Variants in PRRC2C observed in about 807,000 individuals in gnomAD.
PRRC2C encodes protein PRRC2C.
PRRC2C carries 72 observed loss-of-function variants against 317.2 expected under a neutral mutation model. The observed-to-expected ratio is 0.23, with a 90% CI of 0.19 to 0.28. The LOEUF (loss-of-function observed/expected upper bound fraction) is 0.28, where lower values mean the gene tolerates loss of function less well. Among genes scored for constraint, PRRC2C ranks in the 10% least tolerant of loss-of-function variants. PRRC2C has a pLI of 1.00. For missense variants in PRRC2C, 3,074 were observed against 3,459.7 expected (o/e 0.89, Z 2.80); for synonymous variants, 1,296 against 1,205.9 (o/e 1.07, Z -1.55).
At chr1:171,497,368 G>C (rs990486000) in intron 1 of PRRC2C, among the ~76,000 whole-genome samples, 3 of 152,184 alleles carry the variant, frequency 2.0e-5, no homozygotes, top group African/African-American at 7.2e-5. Context: ...TGTGTGTTTT[G>C]AGCAAATTAC....
At chr1:171,538,811 A>G (rs934581754) in intron 15 of PRRC2C, among the ~76,000 whole-genome samples, 3 of 152,176 alleles carry the variant, frequency 2.0e-5, no homozygotes, top group Admixed American at 6.5e-5. Context: ...TCCCAGGCTC[A>G]AGTGATCCTC....
chr1:171,557,677 C>A lies in PRRC2C; in HGVS notation c.5565C>A (p.Val1855=). The change falls in exon 19 of 35, where the codon GTC becomes GTA. Residue 1855 remains valine, a synonymous_variant. Transcript: ENST00000647382. ...CCTCAGTTTCAACCCCAGCTTCTGT[C>A]ACCATTCTTGCCTCAGCCTCAATTC... ...ILASVSTPAS[V]TILASASIPI... 6.4e-7 allele frequency: 1 copy of A among 1,551,542 alleles called. No homozygotes were observed. Among genetic ancestry groups the A allele is most frequent in the Middle Eastern group, 1.7e-4 (1 of 5,992 alleles).
intron 22 of PRRC2C, 145 bp downstream of exon 22, chr1:171,566,988 G>A: frequency 1.0e-6 from 1 of 964,636 alleles, no homozygotes; most frequent in Non-Finnish European, 1.4e-6. Flanking sequence ...TTTGTTTCAT[G>A]ATTTGCATAT....
chr1:171,533,022 G>A, intron 12 of PRRC2C, 61 bp downstream of exon 12: 1 of 1,421,924 alleles, frequency 7.0e-7, no homozygotes, highest in African/African-American at 1.4e-5. Context: ...GTTGGTTACA[G>A]TTTGGGGTTT....
chr1:171,485,914 C>G (rs1428281539), intron 1 of PRRC2C, among the ~76,000 whole-genome samples, 179 bp downstream of exon 1: 1 of 152,080 alleles, frequency 6.6e-6, no homozygotes, highest in African/African-American at 2.4e-5. Context: ...ATCTCTGTGT[C>G]TGGGGAAGTC....
In PRRC2C at chr1:171,540,437, T is replaced by C; in HGVS notation, c.2971T>C (p.Ser991Pro). Residue 991 changes from serine (S) to proline (P), a missense_variant, in exon 16 of 35, where the codon TCA (serine) becomes CCA (proline). By Grantham distance (74) the Ser-to-Pro change is moderately conservative. Around this residue, in one of 11 missense-constraint regions of PRRC2C, gnomAD observed 1,320 missense variants for 1,395.7 expected, o/e 0.95. Transcript: ENST00000647382. ...PKPEKVYKSK[S>P]ETRWGPRPSS... ...ACCTGAAAAAGTATATAAATCTAAA[T>C]CAGAAACTCGTTGGGGCCCACGACC... 1 of 1,612,540 alleles carries C rather than the reference T, an allele frequency of 6.2e-7. No individual in the cohort carries two copies. The highest frequency in any genetic ancestry group is 2.2e-5 in the East Asian group (1 of 44,828).
At chr1:171,511,976 C>A in intron 1 of PRRC2C, 56 bp from the exon 2 acceptor site, 1 of 546,126 alleles carries the variant, frequency 1.8e-6, no homozygotes, top group Non-Finnish European at 3.2e-6. Flanking sequence ...TTTCTGTGAA[C>A]ATTTGAATTT....
intron 4 of PRRC2C, 81 bp from the exon 5 acceptor site, chr1:171,515,653 G>A (rs1055519832): frequency 8.6e-7 from 1 of 1,164,634 alleles, no homozygotes; most frequent in African/African-American, 1.6e-5. Context: ...GAAAGAGGCA[G>A]AGAGCTCTAT....
At chr1:171,572,038 T>C (rs1684844691) in intron 24 of PRRC2C, among the ~76,000 whole-genome samples, 1 of 152,142 alleles carries the variant, frequency 6.6e-6, no homozygotes, top group Non-Finnish European at 1.5e-5. Context: ...TGAGCTATGT[T>C]AATGATTTTT....
At chr1:171,504,685 CAAGTAGT>C (rs1326499786) in intron 1 of PRRC2C, among the ~76,000 whole-genome samples, 19 of 152,088 alleles carry the variant, frequency 1.2e-4, no homozygotes, top group South Asian at 2.1e-4. Context: ...GTCTTGAAAG[CAAGTAGT>C]ATTCACCTTC....
intron 18 of PRRC2C, among the ~76,000 whole-genome samples, chr1:171,552,247 G>A (rs1282716328): frequency 6.6e-6 from 1 of 152,068 alleles, no homozygotes; most frequent in South Asian, 2.1e-4. Context: ...GTTCACTCAT[G>A]ATTTGGCTCT....
intron 1 of PRRC2C, chr1:171,509,716 A>G (rs1440466395): frequency 6.6e-6 from 1 of 152,048 alleles, no homozygotes; most frequent in Non-Finnish European, 1.5e-5. Flanking sequence ...GACTTGCTAT[A>G]GAGTGCTGGG....
chr1:171,566,576 A>G lies in PRRC2C; in HGVS notation c.6307-16A>G. ...TCTATCATAAACATAGTTTTATCAT[A>G]AACATTTGACTTTAGCTTCCAGATT... On this transcript the variant is annotated splice_polypyrimidine_tract_variant and intron_variant, in intron 21 of 34. Transcript: ENST00000647382. 6.5e-7 allele frequency: 1 copy of G among 1,546,996 alleles called. No homozygotes were observed. Among genetic ancestry groups the G allele is most frequent in the Non-Finnish European group, 8.7e-7 (1 of 1,149,368 alleles).
chr1:171,558,007 T>G lies in PRRC2C; in HGVS notation c.5895T>G (p.Ala1965=), dbSNP rs1330642794. The G allele has an allele frequency of 2.5e-6, 4 of 1,613,830 alleles. No homozygotes were observed. Among genetic ancestry groups the G allele is most frequent in the Middle Eastern group, 1.6e-4 (1 of 6,084 alleles). Residue 1965 remains alanine, a synonymous_variant, in exon 19 of 35, where the codon GCT becomes GCG. Coordinates refer to ENST00000647382, the MANE Select transcript of PRRC2C (RefSeq NM_001387844.1). ...QPPPSIRLPS[A]QTPNGTDYVA... ...CACCATCAATTAGGCTGCCTTCAGC[T>G]CAAACACCTAATGGCACAGATTATG...
intron 34 of PRRC2C, chr1:171,591,139 T>C: frequency 2.0e-6 from 2 of 986,748 alleles, no homozygotes; most frequent in African/African-American, 1.7e-5. Flanking sequence ...TTTCTGATGC[T>C]CTTCCCCTGC....
chr1:171,548,297 A>G (rs1679557814), intron 17 of PRRC2C, among the ~76,000 whole-genome samples: 1 of 152,146 alleles, frequency 6.6e-6, no homozygotes, highest in African/African-American at 2.4e-5. Flanking sequence ...GCCAGTATTC[A>G]TTTTTCATTT....
chr1:171,549,957 A>G (rs187050855), intron 17 of PRRC2C, 129 bp from the exon 18 acceptor site: 2 of 618,992 alleles, frequency 3.2e-6, no homozygotes, highest in Non-Finnish European at 5.0e-6. Context: ...TAGGTTATAC[A>G]CTATAAGTTA....
intron 34 of PRRC2C, among the ~76,000 whole-genome samples, chr1:171,590,000 T>TA (rs11427474): frequency 1.7e-4 from 26 of 149,788 alleles, no homozygotes; most frequent in Non-Finnish European, 2.7e-4. Flanking sequence ...TTTTTTTTTT[T>TA]AATATATATT....
chr1:171,585,574 G>T (rs1254054280), intron 30 of PRRC2C, among the ~76,000 whole-genome samples: 1 of 152,048 alleles, frequency 6.6e-6, no homozygotes, highest in Non-Finnish European at 1.5e-5. Context: ...AGAGATTCTT[G>T]TTCTTCTCAT....
Sources: gnomAD v4.1 joint callset for allele counts (sites outside exome capture counted in the v4.1 genomes callset) on GRCh38, gnomAD v4.1.1 for gene constraint, gnomAD v4.1.1 regional missense constraint, MANE v1.5 for transcripts, NCBI Gene and HGNC (gene_info 2026-07-23, HGNC 2026-07-21) for gene names.